Variants in NRG1 observed in about 807,000 individuals in gnomAD.
NRG1 encodes the protein neuregulin 1.
NRG1 carries 18 observed loss-of-function variants against 63.8 expected under a neutral mutation model. The ratio of observed to expected loss-of-function variants is 0.28; its 90% CI spans 0.19 to 0.42. The LOEUF (loss-of-function observed/expected upper bound fraction) is 0.42, where lower values mean the gene tolerates loss of function less well. Ranked by LOEUF, NRG1 falls within the 10% of genes least tolerant of loss-of-function variation. The probability of loss-of-function intolerance (pLI) is 1.00; values close to 1 mark genes in which losing one functional copy is unlikely to be tolerated. For missense variants in NRG1, 762 were observed against 814.7 expected, an observed-to-expected ratio of 0.94 and a Z score of 0.79; for synonymous variants, 302 against 301.3, an observed-to-expected ratio of 1.00 and a Z score of -0.02.
At chr8:32,712,042 C>T (rs914067226) in intron 5 of NRG1, among the ~76,000 whole-genome samples, 1 of 152,114 alleles carries the variant, frequency 6.6e-6, no homozygotes, top group African/African-American at 2.4e-5. Context: ...CCTTACCGTA[C>T]ATGGCCCTTT....
intron 1 of NRG1, among the ~76,000 whole-genome samples, chr8:31,819,095 G>A (rs912726141): frequency 4.6e-5 from 7 of 152,026 alleles, no homozygotes; most frequent in Non-Finnish European, 1.0e-4. Context: ...TATTTGAGCC[G>A]GACACAGTTG....
chr8:31,745,952 G>C (rs564181646), intron 1 of NRG1, among the ~76,000 whole-genome samples: 2 of 151,922 alleles, frequency 1.3e-5, no homozygotes, highest in South Asian at 4.1e-4. Context: ...CAGATACCCA[G>C]CTTGGGGACA....
intron 1 of NRG1, among the ~76,000 whole-genome samples, chr8:31,834,307 G>GCATGCACACA (rs1196901584): frequency 1.7e-5 from 2 of 119,432 alleles, no homozygotes; most frequent in Admixed American, 7.9e-5. Context: ...GCGCACGCGC[G>GCATGCACACA]CACACACACA....
Position 32,032,166 on chromosome 8 carries a change from TC to T in NRG1, c.37+392736del, listed in dbSNP as rs1327695910. On this transcript the variant is annotated intron_variant, in intron 1 of 10. Coordinates refer to the NRG1 transcript ENST00000519301. ...ATTCTAATTGGCATGAGATAGTATC[TC>T]ATTGTGGTTTTGATTTGCATTTCTC... is the stretch of plus-strand genomic sequence containing the variant. Among the ~76,000 whole-genome samples the T allele has an allele frequency of 2.0e-5, 3 of 152,354 alleles. No individual in the cohort carries two copies. In the East Asian group the frequency reaches 5.8e-4, roughly 29 times the overall value.
rs551807659 is a variant in NRG1, at chr8:32,094,206, G to A, written c.37+454775G>A. On this transcript the variant is annotated intron_variant, in intron 1 of 10. Transcript: ENST00000519301. ...CGGCTTTCATAGAACAGAATGGAATGAAAGCCCAAACCCAGCATTGCTTAC... is the reference window on the plus strand; with the variant it reads ...CGGCTTTCATAGAACAGAATGGAATAAAAGCCCAAACCCAGCATTGCTTAC... 2.0e-5 allele frequency among the ~76,000 whole-genome samples: 3 copies of A among 152,306 alleles called. No individual in the cohort carries two copies. In the East Asian group the frequency reaches 5.8e-4, roughly 29 times the overall value.
intron 1 of NRG1, among the ~76,000 whole-genome samples, chr8:32,446,235 T>C (rs1294693872): frequency 2.0e-5 from 3 of 152,214 alleles, no homozygotes; most frequent in Non-Finnish European, 4.4e-5. Context: ...CTGTCTCTGT[T>C]TTCCTAACAT....
chr8:31,693,132 A>G (rs1435748905), intron 1 of NRG1, among the ~76,000 whole-genome samples: 1 of 152,148 alleles, frequency 6.6e-6, no homozygotes, highest in Non-Finnish European at 1.5e-5. Context: ...TCTCTGTGCT[A>G]TCTTGCTGCA....
chr8:31,774,123 C>G (rs566155840), intron 1 of NRG1, among the ~76,000 whole-genome samples: 1 of 152,140 alleles, frequency 6.6e-6, no homozygotes, highest in Non-Finnish European at 1.5e-5. Flanking sequence ...CCTCCTGCCA[C>G]TCTCCCCTTT....
chr8:31,903,193 G>A (rs1246882564), intron 1 of NRG1, among the ~76,000 whole-genome samples: 2 of 136,144 alleles, frequency 1.5e-5, no homozygotes, highest in African/African-American at 5.6e-5. Flanking sequence ...CTGTTGCCCA[G>A]GCTGAAGTGC....
chr8:32,343,341 C>T (rs1804318492), intron 1 of NRG1, among the ~76,000 whole-genome samples: 1 of 152,142 alleles, frequency 6.6e-6, no homozygotes, highest in Non-Finnish European at 1.5e-5. Flanking sequence ...ATTTAATTTT[C>T]TAATTATGTG....
intron 1 of NRG1, among the ~76,000 whole-genome samples, chr8:31,868,812 G>A (rs918563550): frequency 2.6e-5 from 4 of 152,186 alleles, no homozygotes; most frequent in Non-Finnish European, 5.9e-5. Flanking sequence ...GGATTGTATT[G>A]TTCAGGGTTG....
intron 1 of NRG1, among the ~76,000 whole-genome samples, chr8:32,000,813 C>A (rs1812801131): frequency 6.6e-6 from 1 of 151,906 alleles, no homozygotes; most frequent in Non-Finnish European, 1.5e-5. Flanking sequence ...ATGGCAAAAA[C>A]CACACTTTTG....
At chr8:32,239,299 G>T (rs1380187667) in intron 1 of NRG1, among the ~76,000 whole-genome samples, 1 of 147,820 alleles carries the variant, frequency 6.8e-6, no homozygotes, top group Non-Finnish European at 1.5e-5. Context: ...AGTGATACTG[G>T]AGCAATTGGA....
intron 1 of NRG1, among the ~76,000 whole-genome samples, chr8:31,796,733 G>T (rs1052227883): frequency 6.6e-6 from 1 of 152,044 alleles, no homozygotes; most frequent in Non-Finnish European, 1.5e-5. Context: ...CACTGCGCCC[G>T]GCCAGAAGGT....
intron 1 of NRG1, among the ~76,000 whole-genome samples, chr8:31,733,053 C>T (rs1367607578): frequency 6.6e-6 from 1 of 152,054 alleles, no homozygotes; most frequent in African/African-American, 2.4e-5. Flanking sequence ...TAAATGAGAA[C>T]ATGCAGCATT....
chr8:32,397,663 A>G (rs1320985018), intron 1 of NRG1, among the ~76,000 whole-genome samples: 2 of 152,126 alleles, frequency 1.3e-5, no homozygotes, highest in Non-Finnish European at 2.9e-5. Flanking sequence ...CCATCACTAT[A>G]TTCATTTATA....
chr8:31,930,812 T>A (rs748986882), intron 1 of NRG1, among the ~76,000 whole-genome samples: 35 of 152,178 alleles, frequency 2.3e-4, no homozygotes, highest in Non-Finnish European at 2.9e-4. Flanking sequence ...TTTATAAAAT[T>A]TGAACTGCAC....
At chr8:32,402,325 A>C (rs1813317539) in intron 1 of NRG1, among the ~76,000 whole-genome samples, 1 of 152,148 alleles carries the variant, frequency 6.6e-6, no homozygotes, top group Admixed American at 6.5e-5. Context: ...GCCATTCAAT[A>C]AAATGAAAGG....
intron 1 of NRG1, among the ~76,000 whole-genome samples, chr8:31,773,688 T>C (rs879203593): frequency 2.0e-5 from 3 of 152,188 alleles, no homozygotes; most frequent in African/African-American, 7.2e-5. Context: ...CTTCAAGCAA[T>C]AGTATCTTCT....
Sources: gnomAD v4.1 joint callset for allele counts (sites outside exome capture counted in the v4.1 genomes callset) on GRCh38, gnomAD v4.1.1 for gene constraint, MANE v1.5 for transcripts, NCBI Gene and HGNC (gene_info 2026-07-23, HGNC 2026-07-21) for gene names.